The following UTS2B variants were observed in gnomAD, a reference collection of about 807,000 sequenced individuals.
The protein encoded by UTS2B is urotensin 2B.
UTS2B carries 21 observed loss-of-function variants against 19.2 expected under a neutral mutation model. The ratio of observed to expected loss-of-function variants is 1.09; its 90% CI spans 0.78 to 1.58. The LOEUF (loss-of-function observed/expected upper bound fraction) is 1.58, where lower values mean the gene tolerates loss of function less well. UTS2B is among the 40% of genes most tolerant of loss of function. The probability of loss-of-function intolerance (pLI) is 0.00; values close to 1 mark genes in which losing one functional copy is unlikely to be tolerated. For synonymous variants in UTS2B, 57 were observed against 50.2 expected (o/e 1.14, Z -0.58); for missense variants, 138 against 130.3 (o/e 1.06, Z -0.29).
chr3:191,298,502 G>T (rs140119435), intron 4 of UTS2B, among the ~76,000 whole-genome samples: 3 of 152,114 alleles, frequency 2.0e-5, no homozygotes, highest in African/African-American at 7.2e-5. Flanking sequence ...TTGCCTTCAG[G>T]AATGATTGTG....
intron 8 of UTS2B, chr3:191,273,315 G>A (rs1295830294): frequency 2.8e-6 from 1 of 354,744 alleles, no homozygotes; most frequent in Admixed American, 3.5e-5. Context: ...TTTTTAAGAA[G>A]AGATAAAGGA....
intron 4 of UTS2B, among the ~76,000 whole-genome samples, chr3:191,284,233 C>A (rs1462328115): frequency 2.6e-5 from 4 of 152,102 alleles, no homozygotes; most frequent in African/African-American, 9.7e-5. Flanking sequence ...GAAAGAGGAA[C>A]TCCAATTCTC....
the UTS2B span, among the ~76,000 whole-genome samples, chr3:191,345,504 C>A: frequency 2.0e-5 from 3 of 152,110 alleles, no homozygotes; most frequent in African/African-American, 7.2e-5. Flanking sequence ...TCTGACTCAG[C>A]CATTTTCTCT....
Position 191,306,443 on chromosome 3 carries a change from T to A in UTS2B, c.-181-1895A>T, listed in dbSNP as rs79725392. ...TCCATCATCTATTTTATAGTTTATATTTATCATTTTAATCCCTCCTTCCCA... is the reference window on the plus strand; with the variant it reads ...TCCATCATCTATTTTATAGTTTATAATTATCATTTTAATCCCTCCTTCCCA... On this transcript the variant is annotated intron_variant, in intron 3 of 8. Coordinates refer to ENST00000340524, the MANE Select transcript of UTS2B (RefSeq NM_198152.5). Among the ~76,000 whole-genome samples, 1,353 of 152,318 alleles carry A rather than the reference T, an allele frequency of 8.9e-3. 19 individuals are homozygous for A. The highest frequency in any genetic ancestry group is 0.03 in the African/African-American group (1,266 of 41,570).
upstream of UTS2B, among the ~76,000 whole-genome samples, chr3:191,335,028 T>C (rs1042186567): frequency 6.6e-6 from 1 of 152,172 alleles, no homozygotes; most frequent in Non-Finnish European, 1.5e-5. Flanking sequence ...GAGGCTAATA[T>C]TTAAAGGTAG....
chr3:191,320,588 C>A (rs149401122), intron 2 of UTS2B, among the ~76,000 whole-genome samples: 2 of 152,134 alleles, frequency 1.3e-5, no homozygotes, highest in African/African-American at 4.8e-5. Flanking sequence ...CAAGAAACTG[C>A]GAAGGAGGCT....
At chr3:191,278,621 G>A (rs1451471099) in intron 5 of UTS2B, among the ~76,000 whole-genome samples, 3 of 151,806 alleles carry the variant, frequency 2.0e-5, no homozygotes, top group Admixed American at 6.6e-5. Context: ...TTTGTGTTCC[G>A]GGAATTTCCT....
the UTS2B span, among the ~76,000 whole-genome samples, chr3:191,341,563 C>T: frequency 4.6e-5 from 7 of 152,212 alleles, no homozygotes; most frequent in African/African-American, 7.2e-5. Context: ...GAAGTCTTAG[C>T]ATCCTCCTCA....
chr3:191,320,246 A>T (rs1717578717), intron 2 of UTS2B, among the ~76,000 whole-genome samples: 1 of 152,220 alleles, frequency 6.6e-6, no homozygotes, highest in African/African-American at 2.4e-5. Flanking sequence ...ACACTTGAAT[A>T]AAATTGGAGG....
intron 4 of UTS2B, among the ~76,000 whole-genome samples, chr3:191,283,782 T>C (rs1392066204): frequency 1.3e-5 from 2 of 152,202 alleles, no homozygotes; most frequent in Admixed American, 6.5e-5. Context: ...CTTACTTTCT[T>C]AAGAATTCAA....
intron 8 of UTS2B, among the ~76,000 whole-genome samples, chr3:191,271,184 C>T (rs9846203): frequency 0.55 from 72,570 of 130,866 alleles, 19,760 homozygotes; most frequent in Middle Eastern, 0.68. Context: ...AGCCTGGTGA[C>T]AGAGTGAGAC....
chr3:191,324,354 G>T (rs902424963), intron 2 of UTS2B, among the ~76,000 whole-genome samples: 2 of 152,192 alleles, frequency 1.3e-5, no homozygotes, highest in Admixed American at 6.5e-5. Context: ...TGAAAATAGA[G>T]TAAGACAGAT....
At chr3:191,288,923 A>ACAG (rs1716630043) in intron 4 of UTS2B, among the ~76,000 whole-genome samples, 1 of 151,590 alleles carries the variant, frequency 6.6e-6, no homozygotes, top group Non-Finnish European at 1.5e-5. Context: ...CAAAAGCAAA[A>ACAG]ACAAACGAGA....
chr3:191,330,248 G>C (rs1717923697), intron 1 of UTS2B, among the ~76,000 whole-genome samples, 166 bp downstream of exon 1: 1 of 151,966 alleles, frequency 6.6e-6, no homozygotes, highest in Non-Finnish European at 1.5e-5. Flanking sequence ...AGTCTTGGCT[G>C]TGTTCTGCGC....
chr3:191,303,810 C>T (rs1263558167), intron 4 of UTS2B, among the ~76,000 whole-genome samples: 1 of 152,182 alleles, frequency 6.6e-6, no homozygotes, highest in South Asian at 2.1e-4. Context: ...CGGAGTATCA[C>T]ATGTGGTTTT....
chr3:191,338,386 AAG>A, the UTS2B span, among the ~76,000 whole-genome samples: 1 of 152,228 alleles, frequency 6.6e-6, no homozygotes, highest in African/African-American at 2.4e-5. Flanking sequence ...ACGTAGAAGA[AAG>A]AGAAAGATAG....
chr3:191,304,210 G>C (rs139832435), intron 4 of UTS2B, among the ~76,000 whole-genome samples: 4 of 152,070 alleles, frequency 2.6e-5, no homozygotes, highest in African/African-American at 9.7e-5. Flanking sequence ...CACCTGCCTC[G>C]GCCTCCCAAA....
At chr3:191,333,367 G>A (rs1718050070), upstream of UTS2B, among the ~76,000 whole-genome samples, 1 of 152,132 alleles carries the variant, frequency 6.6e-6, no homozygotes, top group Non-Finnish European at 1.5e-5. Context: ...CTTCAAGGGG[G>A]AAAGATATAA....
At chr3:191,313,621 T>C (rs1256064690) in intron 3 of UTS2B, among the ~76,000 whole-genome samples, 1 of 152,190 alleles carries the variant, frequency 6.6e-6, no homozygotes, top group Non-Finnish European at 1.5e-5. Context: ...TTTGTCATAC[T>C]GTCTGCTCAC....
Sources: allele counts gnomAD v4.1 joint callset (sites outside exome capture counted in the v4.1 genomes callset), GRCh38; gene constraint gnomAD v4.1.1; transcripts MANE v1.5; gene names NCBI Gene and HGNC (gene_info 2026-07-23, HGNC 2026-07-21).